OLFML2B: variants seen among roughly 807,000 people sequenced by gnomAD.
The protein encoded by OLFML2B is olfactomedin-like protein 2B.
A neutral mutation model predicts 74.9 loss-of-function variants in OLFML2B; 57 were observed. That is an observed-to-expected ratio of 0.76 (90% CI 0.61 to 0.95). The LOEUF (loss-of-function observed/expected upper bound fraction) is 0.95. OLFML2B is among the 40% of genes least tolerant of loss of function. The pLI, the probability that OLFML2B is intolerant of heterozygous loss-of-function variation, is 0.00. For missense variants in OLFML2B, 986 were observed against 970.6 expected, an observed-to-expected ratio of 1.02 and a Z score of -0.21; for synonymous variants, 388 against 405.8, an observed-to-expected ratio of 0.96 and a Z score of 0.53.
intron 4 of OLFML2B, among the ~76,000 whole-genome samples, chr1:162,001,597 T>A (rs1690081624): frequency 6.6e-6 from 1 of 152,200 alleles, no homozygotes; most frequent in South Asian, 2.1e-4. Flanking sequence ...CAAACATTTC[T>A]ATTGTTTAAG....
chr1:161,994,382 G>T (rs1034404418), intron 6 of OLFML2B, among the ~76,000 whole-genome samples: 1 of 152,252 alleles, frequency 6.6e-6, no homozygotes, highest in Admixed American at 6.5e-5. Context: ...TCTGCTTTGT[G>T]GGGGAGACAT....
intron 3 of OLFML2B, among the ~76,000 whole-genome samples, chr1:162,011,905 C>T (rs192360964): frequency 2.0e-5 from 3 of 152,346 alleles, no homozygotes; most frequent in Non-Finnish European, 4.4e-5. Context: ...GGCTGACACT[C>T]GCACTGTAAG....
At chr1:161,995,047 T>C (rs1213675879) in intron 6 of OLFML2B, among the ~76,000 whole-genome samples, 1 of 152,206 alleles carries the variant, frequency 6.6e-6, no homozygotes, top group African/African-American at 2.4e-5. Flanking sequence ...GGAGATGTCA[T>C]CACATCACGG....
chr1:162,005,902 C>CTAAA (rs368990706), intron 4 of OLFML2B, among the ~76,000 whole-genome samples: 1,213 of 77,822 alleles, frequency 0.016, 107 homozygotes, highest in African/African-American at 0.039. Context: ...TGGAACCTAT[C>CTAAA]AAAAAAAAAA....
chr1:162,002,997 G>A (rs1690123078), intron 4 of OLFML2B, among the ~76,000 whole-genome samples: 1 of 152,250 alleles, frequency 6.6e-6, no homozygotes, highest in Non-Finnish European at 1.5e-5. Flanking sequence ...AGGAAACAGA[G>A]GCTCAGAGTC....
chr1:162,020,382 C>T (rs569984882), intron 1 of OLFML2B, among the ~76,000 whole-genome samples, 200 bp from the exon 2 acceptor site: 1 of 152,288 alleles, frequency 6.6e-6, no homozygotes, highest in East Asian at 1.9e-4. Flanking sequence ...GTTCAGCTCT[C>T]TTCGTTTGTC....
At chr1:161,985,405 C>G (rs560569599) in intron 6 of OLFML2B, among the ~76,000 whole-genome samples, 1 of 152,292 alleles carries the variant, frequency 6.6e-6, no homozygotes, top group African/African-American at 2.4e-5. Flanking sequence ...GCTTCTCTCT[C>G]CTCCCTCCAC....
chr1:161,994,386 G>A (rs1243227325), intron 6 of OLFML2B, among the ~76,000 whole-genome samples: 2 of 152,256 alleles, frequency 1.3e-5, no homozygotes, highest in African/African-American at 4.8e-5. Context: ...CTTTGTGGGG[G>A]AGACATTCTT....
intron 5 of OLFML2B, 129 bp from the exon 6 acceptor site, chr1:161,998,478 G>C: frequency 2.0e-6 from 2 of 989,998 alleles, no homozygotes; most frequent in East Asian, 2.5e-5. Context: ...GTTACAGAGG[G>C]GGCCTGGCTG....
At chr1:162,011,630 T>A (rs769420792) in intron 3 of OLFML2B, among the ~76,000 whole-genome samples, 14 of 152,212 alleles carry the variant, frequency 9.2e-5, no homozygotes, top group Non-Finnish European at 1.8e-4. Flanking sequence ...CATTGAACAT[T>A]CATCCAACCA....
At chr1:161,996,090 C>T (rs1012629803) in intron 6 of OLFML2B, among the ~76,000 whole-genome samples, 2 of 152,210 alleles carry the variant, frequency 1.3e-5, no homozygotes, top group Non-Finnish European at 2.9e-5. Flanking sequence ...ACTGCCTTCT[C>T]GCTTAGCTTC....
intron 2 of OLFML2B, among the ~76,000 whole-genome samples, chr1:162,019,187 C>T (rs1031731854): frequency 6.6e-6 from 1 of 152,232 alleles, no homozygotes; most frequent in Non-Finnish European, 1.5e-5. Context: ...AGCTGAATGT[C>T]TGGTATCGTG....
Position 162,022,260 on chromosome 1 carries a change from T to TTTTTTTTC in OLFML2B, c.174+996_174+997insGAAAAAAA, listed in dbSNP as rs1553251583. Among the ~76,000 whole-genome samples, 24 of 127,892 alleles carry TTTTTTTTC rather than the reference T, an allele frequency of 1.9e-4. 1 individual carries two copies. The highest frequency in any genetic ancestry group is 6.7e-4 in the African/African-American group (21 of 31,374). The allele number at this position is 127,892 out of a possible 152,430, so 83.9% of individuals were successfully genotyped here. A position where few individuals can be genotyped will look rare whatever the true frequency, so the allele number is the denominator to read the frequency against. ...GTATCTCTTCTTTTTTTTTTTTTTT[T>TTTTTTTTC]TTTTTTTTGAGACGGAGTCTCACTC... is the stretch of plus-strand genomic sequence containing the variant. On this transcript the variant is annotated intron_variant, in intron 1 of 7. Coordinates refer to ENST00000294794, the MANE Select transcript of OLFML2B (RefSeq NM_015441.3).
At chr1:162,021,424 T>C (rs1018060642) in intron 1 of OLFML2B, among the ~76,000 whole-genome samples, 1 of 152,138 alleles carries the variant, frequency 6.6e-6, no homozygotes, top group African/African-American at 2.4e-5. Context: ...AAAAGGCTCT[T>C]CTCTCCCAAT....
chr1:162,018,349 T>C (rs560816071), intron 2 of OLFML2B, among the ~76,000 whole-genome samples: 3 of 152,288 alleles, frequency 2.0e-5, no homozygotes, highest in South Asian at 2.1e-4. Context: ...TTCCCCAAGA[T>C]AGCTGGCTCA....
chr1:162,002,365 C>T (rs1690103761), intron 4 of OLFML2B, among the ~76,000 whole-genome samples: 2 of 152,166 alleles, frequency 1.3e-5, no homozygotes, highest in South Asian at 2.1e-4. Flanking sequence ...TAATTCTAGG[C>T]CTTGGTGGAA....
chr1:162,010,570 A>G (rs1690352583), intron 3 of OLFML2B, among the ~76,000 whole-genome samples: 1 of 152,098 alleles, frequency 6.6e-6, no homozygotes, highest in African/African-American at 2.4e-5. Context: ...GGTATGAAGG[A>G]CACAGACCGT....
intron 3 of OLFML2B, among the ~76,000 whole-genome samples, chr1:162,013,632 A>T (rs1690453558): frequency 6.6e-6 from 1 of 152,088 alleles, no homozygotes; most frequent in African/African-American, 2.4e-5. Context: ...CACTTATCTA[A>T]TGTACCATAG....
At position 162,001,196 on chromosome 1, in the gene OLFML2B, A is replaced by G. The variant is rs190173405; in HGVS notation, c.724-858T>C. ...TCCTGGACCTTCTAATTCAGAATTA[A>G]TCAATCTTCCCCAAGCCTCATTTTG... On this transcript the variant is annotated intron_variant, in intron 4 of 7. Transcript: ENST00000294794. 3.0e-3 allele frequency among the ~76,000 whole-genome samples: 454 copies of G among 152,332 alleles called. 1 individual carries two copies. Among genetic ancestry groups the G allele is most frequent in the African/African-American group, 9.8e-3 (409 of 41,570 alleles).
Sources: allele counts gnomAD v4.1 joint callset (sites outside exome capture counted in the v4.1 genomes callset), GRCh38; gene constraint gnomAD v4.1.1; transcripts MANE v1.5; gene names NCBI Gene and HGNC (gene_info 2026-07-23, HGNC 2026-07-21).